FN1: variants seen among roughly 807,000 people sequenced by gnomAD.
The protein encoded by FN1 is fibronectin.
In FN1, 106 loss-of-function variants were observed where a neutral mutation model predicts 297.3. The ratio of observed to expected loss-of-function variants is 0.36; its 90% CI spans 0.30 to 0.42. The LOEUF (loss-of-function observed/expected upper bound fraction) is 0.42. Ranked by LOEUF, FN1 falls within the 10% of genes least tolerant of loss-of-function variation. The probability of loss-of-function intolerance (pLI) is 1.00; values close to 1 mark genes in which losing one functional copy is unlikely to be tolerated. For missense variants in FN1, 2,690 were observed against 3,124.9 expected (o/e 0.86, Z 3.32); for synonymous variants, 1,149 against 1,152.6 (o/e 1.00, Z 0.06).
rs746992481 is a variant in FN1 at position 215,397,188 on chromosome 2, T to C, written c.3553A>G (p.Asn1185Asp). The C allele has an allele frequency of 1.9e-6, 3 of 1,614,036 alleles. No homozygotes were observed. The South Asian group carries it at 3.3e-5, about 18-fold the overall frequency. The change falls in exon 23 of 46, where the codon AAC (asparagine) becomes GAC (aspartate). Residue 1185 changes from asparagine (N) to aspartate (D), a missense_variant. Asn to Asp is a conservative substitution (Grantham distance 23, BLOSUM62 1). Around this residue, in one of 3 missense-constraint regions of FN1, gnomAD observed 1,743 missense variants for 1,945.2 expected, o/e 0.90. Transcript: ENST00000354785. ...SPPTNLHLEA[N>D]PDTGVLTVSW... is the part of the protein sequence containing the mutation. ...ACTGTGAGCACTCCAGTGTCAGGGTTTGCCTCCAGATGCAAGTTTGTTGGT... is the reference window on the plus strand; with the variant it reads ...ACTGTGAGCACTCCAGTGTCAGGGTCTGCCTCCAGATGCAAGTTTGTTGGT...
At position 215,404,528 on chromosome 2, in the gene FN1, C is replaced by G. The variant is rs751112392; in HGVS notation, c.3114G>C (p.Gln1038His). ...AGGGACCCACATTGTACTGCCTGGG[C>G]TGTCCTCTTCGGGTAAGGCCCACGG... is the stretch of plus-strand genomic sequence containing the variant. ...RLTVGLTRRG[Q>H]PRQYNVGPSV... Residue 1038 changes from glutamine to histidine, a missense_variant, in exon 20 of 46, where the codon CAG becomes CAC. Around this residue, in one of 3 missense-constraint regions of FN1, gnomAD observed 1,743 missense variants for 1,945.2 expected, o/e 0.90. Coordinates refer to ENST00000354785, the MANE Select transcript of FN1 (RefSeq NM_212482.4). The G allele has an allele frequency of 8.1e-6, 13 of 1,614,096 alleles. No individual in the cohort carries two copies. The highest frequency in any genetic ancestry group is 4.4e-5 in the South Asian group (4 of 91,070).
chr2:215,392,149 A>G, intron 25 of FN1: 1 of 311,572 alleles, frequency 3.2e-6, no homozygotes, highest in Non-Finnish European at 6.1e-6. Flanking sequence ...GTTGCCACAC[A>G]GCAAAGAGAA....
intron 29 of FN1, chr2:215,384,427 T>A: frequency 5.6e-6 from 3 of 538,322 alleles, no homozygotes; most frequent in Non-Finnish European, 1.0e-5. Context: ...AAAATGTCAC[T>A]GAGTAGTAGA....
At chr2:215,418,831 G>A (rs2063791399) in intron 12 of FN1, among the ~76,000 whole-genome samples, 2 of 152,152 alleles carry the variant, frequency 1.3e-5, no homozygotes, top group South Asian at 2.1e-4. Context: ...GAATGAACAC[G>A]TACCTTATGC....
chr2:215,423,561 AT>A, intron 8 of FN1, 35 bp from the exon 9 acceptor site: 1 of 1,601,346 alleles, frequency 6.2e-7, no homozygotes, highest in Non-Finnish European at 8.5e-7. Flanking sequence ...GAAGGAAAAG[AT>A]TACCGCTGAG....
intron 34 of FN1, 49 bp downstream of exon 34, chr2:215,379,081 T>A (rs2057800898): frequency 6.8e-7 from 1 of 1,473,898 alleles, no homozygotes; most frequent in African/African-American, 1.4e-5. Context: ...AGAAACTGTG[T>A]TAGAGATGAT....
Position 215,397,730 on chromosome 2 carries a change from A to C in FN1, c.3467T>G (p.Leu1156Arg). 5 of 1,614,114 alleles carry C rather than the reference A, an allele frequency of 3.1e-6. No individual in the cohort carries two copies. The highest frequency in any genetic ancestry group is 4.2e-6 in the Non-Finnish European group (5 of 1,179,916). Reference protein sequence around the residue: ...GVEYVYTIQVLRDGQERDAPI... With the variant: ...GVEYVYTIQVRRDGQERDAPI... The stretch of plus-strand genomic sequence containing the variant: ...CGCATCTCTTTCCTGTCCATCTCTC[A>C]GGACTTGGATGGTGTAGACGTATTC... The change falls in exon 22 of 46, where the codon CTG (leucine) becomes CGG (arginine). Residue 1156 changes from leucine to arginine, a missense_variant. Physicochemically the swap from Leu to Arg is moderately radical, Grantham distance 102. Transcript: ENST00000354785.
chr2:215,367,996 G>A lies in FN1; in HGVS notation c.6885C>T (p.Asp2295=). The A allele has an allele frequency of 6.2e-7, 1 of 1,614,174 alleles. No individual in the cohort carries two copies. The highest frequency in any genetic ancestry group is 8.5e-7 in the Non-Finnish European group (1 of 1,180,002). ...AAACTGTGTAGGGGTCAAAGCACGA[G>A]TCATCCGTAGGTTGGTTCAAGCCTT... ...VNEGLNQPTD[D]SCFDPYTVSH... Residue 2295 remains aspartate, a synonymous_variant, in exon 42 of 46, where the codon GAC becomes GAT. Coordinates refer to ENST00000354785, the MANE Select transcript of FN1 (RefSeq NM_212482.4).
intron 40 of FN1, among the ~76,000 whole-genome samples, chr2:215,371,610 T>A (rs1329928520): frequency 1.6e-4 from 22 of 135,134 alleles, no homozygotes; most frequent in Admixed American, 4.5e-4. Context: ...TATTGGGATT[T>A]AAAAAAAAAA....
intron 3 of FN1, among the ~76,000 whole-genome samples, chr2:215,432,747 G>A (rs184051173): frequency 2.5e-4 from 38 of 152,046 alleles, no homozygotes; most frequent in Non-Finnish European, 2.6e-4. Context: ...GAATCAGCCC[G>A]GTTCCCAAAG....
intron 27 of FN1, 143 bp downstream of exon 27, chr2:215,388,069 C>T (rs1164064731): frequency 1.6e-5 from 11 of 699,946 alleles, no homozygotes; most frequent in East Asian, 1.1e-4. Context: ...TTGAGACCAG[C>T]GATAAAATCA....
chr2:215,431,945 A>AC lies in FN1; in HGVS notation c.434dup (p.Gln146SerfsTer7). ...AGGTGTCACCAATCTTGTAGGACTG[A>AC]CCCCCTTCATGGCAGCGGTCTGTTG... On this transcript the variant is annotated frameshift_variant, in exon 4 of 46. Transcript: ENST00000354785. LOFTEE classifies it high-confidence loss of function. 6.2e-7 allele frequency: 1 copy of AC among 1,613,928 alleles called. No homozygotes were observed. Among genetic ancestry groups the AC allele is most frequent in the Non-Finnish European group, 8.5e-7 (1 of 1,179,988 alleles).
chr2:215,407,097 AC>A (rs1381902553), intron 18 of FN1, 29 bp downstream of exon 18: 1 of 1,540,288 alleles, frequency 6.5e-7, no homozygotes, highest in Non-Finnish European at 9.0e-7. Flanking sequence ...TGATAAGATA[AC>A]ATAGGAAGTG....
chr2:215,370,540 C>CCAAAAAAAAAAAAAA lies in FN1; in HGVS notation c.6715-109_6715-108insTTTTTTTTTTTTTTG, dbSNP rs1553600561. ...ACTGTTTAAACAAAGCAAAGGAAGA[C>CCAAAAAAAAAAAAAA]AAAAAACAAAAAACAAAAAAAAAAA... On this transcript the variant is annotated intron_variant, in intron 40 of 45. Transcript: ENST00000354785. 3.6e-5 allele frequency: 11 copies of CCAAAAAAAAAAAAAA among 304,998 alleles called. No homozygotes were observed. The African/African-American group carries it at 3.7e-4, about 10-fold the overall frequency. The allele number at this position is 304,998 out of a possible 1,614,324, so 18.9% of individuals were successfully genotyped here.
intron 41 of FN1, among the ~76,000 whole-genome samples, chr2:215,369,801 C>G (rs780439294): frequency 5.9e-5 from 9 of 152,196 alleles, no homozygotes; most frequent in African/African-American, 1.2e-4. Flanking sequence ...TCTCTGCAGA[C>G]AGAAATGCAC....
At position 215,393,528 on chromosome 2, in the gene FN1, A is replaced by G. The variant is rs1968510; in HGVS notation, c.3797-325T>C. ...AAATCATATGGCTGTTTAGGATGTCAAAACCATTCTTAGAGCCTAGACATA... is the reference window on the plus strand; with the variant it reads ...AAATCATATGGCTGTTTAGGATGTCGAAACCATTCTTAGAGCCTAGACATA... On this transcript the variant is annotated intron_variant, in intron 24 of 45. Coordinates refer to ENST00000354785, the MANE Select transcript of FN1 (RefSeq NM_212482.4). 0.87 allele frequency: 134,572 copies of G among 153,816 alleles called. 59,202 individuals carry two copies. Among genetic ancestry groups the G allele is most frequent in the East Asian group, 1 (5,253 of 5,256 alleles). The allele number at this position is 153,816 out of a possible 1,614,324, so 9.5% of individuals were successfully genotyped here. A position where few individuals can be genotyped will look rare whatever the true frequency, so the allele number is the denominator to read the frequency against.
intron 40 of FN1, 122 bp from the exon 41 acceptor site, chr2:215,370,554 C>CAAAAAAAAA: frequency 3.2e-5 from 10 of 313,428 alleles, no homozygotes; most frequent in South Asian, 2.3e-4. Flanking sequence ...AAACAAAAAA[C>CAAAAAAAAA]AAAAAAAAAA....
intron 35 of FN1, among the ~76,000 whole-genome samples, 193 bp downstream of exon 35, chr2:215,377,981 TA>T (rs1472228608): frequency 1.3e-5 from 2 of 152,126 alleles, no homozygotes; most frequent in African/African-American, 4.8e-5. Context: ...TTATTTATTT[TA>T]TTTTTTTTAA....
chr2:215,406,173 T>C (rs1575608096), intron 19 of FN1, 65 bp downstream of exon 19: 6 of 1,542,974 alleles, frequency 3.9e-6, no homozygotes, highest in Non-Finnish European at 3.6e-6. Flanking sequence ...TTTACTGCAC[T>C]TTCTCACAGG....
Sources: allele counts gnomAD v4.1 joint callset (sites outside exome capture counted in the v4.1 genomes callset), GRCh38; gene constraint gnomAD v4.1.1; regional missense constraint gnomAD v4.1.1; transcripts MANE v1.5; gene names NCBI Gene and HGNC (gene_info 2026-07-23, HGNC 2026-07-21).